Variants in PROM1 observed in about 807,000 individuals in gnomAD.
The protein encoded by PROM1 is prominin 1.
Under a neutral mutation model 116.9 loss-of-function variants are expected in PROM1, and 105 were observed. The ratio of observed to expected loss-of-function variants is 0.90; its 90% confidence interval spans 0.77 to 1.06. PROM1 has a LOEUF of 1.06. PROM1 is among the 50% of genes least tolerant of loss of function. PROM1 has a pLI of 0.00. For missense variants in PROM1, 1,122 were observed against 1,045.2 expected, an observed-to-expected ratio of 1.07 and a Z score of -1.01; for synonymous variants, 393 against 387.0, an observed-to-expected ratio of 1.02 and a Z score of -0.18.
intron 10 of PROM1, among the ~76,000 whole-genome samples, chr4:16,015,672 A>G (rs1365195820): frequency 6.6e-6 from 1 of 152,082 alleles, no homozygotes; most frequent in Admixed American, 6.6e-5. Context: ...CCTGGGTGAC[A>G]GAGGGGGATT....
At chr4:16,016,378 A>G in intron 9 of PROM1, 138 bp from the exon 10 acceptor site, 3 of 704,870 alleles carry the variant, frequency 4.3e-6, no homozygotes, top group Non-Finnish European at 4.6e-6. Flanking sequence ...TTTGAACAAT[A>G]GAGTTTTATT....
At chr4:16,021,845 AT>A (rs1729978147) in intron 8 of PROM1, among the ~76,000 whole-genome samples, 1 of 152,088 alleles carries the variant, frequency 6.6e-6, no homozygotes, top group South Asian at 2.1e-4. Context: ...CAGCTACCCA[AT>A]TGCTATGGAC....
chr4:16,022,365 C>A (rs1161977871), intron 8 of PROM1, among the ~76,000 whole-genome samples: 2 of 152,066 alleles, frequency 1.3e-5, no homozygotes, highest in East Asian at 3.9e-4. Flanking sequence ...ATGTTATTGT[C>A]GATGTCGAGA....
chr4:16,053,689 GATAA>G (rs1738368637), intron 2 of PROM1, among the ~76,000 whole-genome samples: 2 of 152,178 alleles, frequency 1.3e-5, no homozygotes, highest in South Asian at 2.1e-4. Flanking sequence ...GGAAAGAAAA[GATAA>G]ATAAAGCAAA....
rs996563893 is a variant in PROM1, at chr4:15,981,014, T to C, written c.2374-477A>G. 2.0e-5 allele frequency among the ~76,000 whole-genome samples: 3 copies of C among 151,084 alleles called. No homozygotes were observed. The East Asian group carries it at 5.9e-4, about 30-fold the overall frequency. ...TCTCACTCTGTCGCCCAGGCTAGAGTGCAGTGGTGCGATCTCGGCTCACTG... is the reference window on the plus strand; with the variant it reads ...TCTCACTCTGTCGCCCAGGCTAGAGCGCAGTGGTGCGATCTCGGCTCACTG... On this transcript the variant is annotated intron_variant, in intron 23 of 27. Transcript: ENST00000447510.
In PROM1 at chr4:15,994,072, C is replaced by T; in HGVS notation, c.1683-1G>A. On this transcript the variant is annotated splice_acceptor_variant, in intron 15 of 27. Transcript: ENST00000447510. LOFTEE classifies it high-confidence loss of function. ...AGTGCCTCTATTTTTTTTGCAGTCA[C>T]TGTGGGAATGAACAGAGAAATTAGG... The T allele has an allele frequency of 6.2e-7, 1 of 1,613,870 alleles. No individual in the cohort carries two copies. The highest frequency in any genetic ancestry group is 8.5e-7 in the Non-Finnish European group (1 of 1,179,842).
At chr4:16,070,451 T>A (rs1318107054) in intron 2 of PROM1, among the ~76,000 whole-genome samples, 1 of 152,224 alleles carries the variant, frequency 6.6e-6, no homozygotes, top group East Asian at 1.9e-4. Context: ...TGGTCTGTTT[T>A]GGGATCTCTC....
At chr4:16,020,004 G>A (rs1476838660) in intron 8 of PROM1, among the ~76,000 whole-genome samples, 3 of 152,148 alleles carry the variant, frequency 2.0e-5, no homozygotes, top group Non-Finnish European at 4.4e-5. Context: ...TCACTTCTCA[G>A]GACCTTGGTC....
rs112233749 is a variant in PROM1 at position 16,032,150 on chromosome 4, C to CTTT, written c.509+1151_509+1153dup. On this transcript the variant is annotated intron_variant, in intron 5 of 27. Transcript: ENST00000447510. ...CCAGTGCTTGTGTCTCCTTCCTGATCTTTTTTTTTTTTAACATAGTTACCA... is the reference window on the plus strand; with the variant it reads ...CCAGTGCTTGTGTCTCCTTCCTGATCTTTTTTTTTTTTTTTAACATAGTTACCA... 2.2e-4 allele frequency among the ~76,000 whole-genome samples: 32 copies of CTTT among 148,480 alleles called. No individual in the cohort carries two copies. In the South Asian group the frequency reaches 2.6e-3, roughly 12 times the overall value.
chr4:16,036,947 C>T (rs1734071674), intron 3 of PROM1, among the ~76,000 whole-genome samples: 1 of 152,196 alleles, frequency 6.6e-6, no homozygotes, highest in South Asian at 2.1e-4. Flanking sequence ...CACTGCACCC[C>T]CACCCAGAGT....
intron 1 of PROM1, among the ~76,000 whole-genome samples, chr4:16,081,377 A>C (rs371638783): frequency 1.3e-5 from 2 of 152,332 alleles, no homozygotes; most frequent in East Asian, 3.9e-4. Context: ...AATTAATTCA[A>C]GATGGATTAA....
In PROM1 at chr4:16,009,085, T is replaced by C; in HGVS notation, c.1165A>G (p.Ile389Val). 1 of 1,613,062 alleles carries C rather than the reference T, an allele frequency of 6.2e-7. No homozygotes were observed. The change falls in exon 12 of 28, where the codon ATT (isoleucine) becomes GTT (valine). Residue 389 changes from isoleucine to valine, a missense_variant. Coordinates refer to ENST00000447510, the MANE Select transcript of PROM1 (RefSeq NM_006017.3). ...VAGIKRVLNS[I>V]GSDIDNVTQR... ...GTTACATTGTCGATATCTGAACCAA[T>C]GGAATTCAAGACCCTTTTGATACCT...
At chr4:16,022,621 A>T (rs1319096196) in intron 8 of PROM1, among the ~76,000 whole-genome samples, 1 of 152,226 alleles carries the variant, frequency 6.6e-6, no homozygotes, top group Admixed American at 6.5e-5. Context: ...AGTAAAATTC[A>T]TATTGGCAAA....
chr4:16,073,926 C>G (rs886864556), intron 2 of PROM1, among the ~76,000 whole-genome samples: 7 of 151,720 alleles, frequency 4.6e-5, no homozygotes, highest in Admixed American at 3.3e-4. Context: ...TCTAAAGGGA[C>G]CAAAATAGAG....
chr4:15,990,393 G>A (rs1479467030), intron 18 of PROM1, among the ~76,000 whole-genome samples: 2 of 152,212 alleles, frequency 1.3e-5, no homozygotes, highest in African/African-American at 4.8e-5. Context: ...AACCAGCAGA[G>A]GAGTTGAAAG....
chr4:16,037,594 G>A (rs542954145), intron 3 of PROM1, among the ~76,000 whole-genome samples: 1 of 152,262 alleles, frequency 6.6e-6, no homozygotes, highest in Non-Finnish European at 1.5e-5. Flanking sequence ...CAGATTTGTT[G>A]TGCAGGCCAG....
At chr4:16,050,015 C>A (rs1466794241) in intron 2 of PROM1, among the ~76,000 whole-genome samples, 1 of 152,080 alleles carries the variant, frequency 6.6e-6, no homozygotes, top group Non-Finnish European at 1.5e-5. Flanking sequence ...GTAATCCCAG[C>A]ACTTTGAGAG....
chr4:16,008,875 G>A, intron 12 of PROM1, 74 bp downstream of exon 12: 1 of 1,373,524 alleles, frequency 7.3e-7, no homozygotes, highest in Non-Finnish European at 1.0e-6. Context: ...TTATCCTGGT[G>A]CTAATGTCAG....
intron 26 of PROM1, among the ~76,000 whole-genome samples, chr4:15,972,770 A>G (rs1432080774): frequency 6.6e-6 from 1 of 152,226 alleles, no homozygotes; most frequent in Non-Finnish European, 1.5e-5. Context: ...AAAATAAAGA[A>G]GGCCAATACA....
Sources: allele counts gnomAD v4.1 joint callset (sites outside exome capture counted in the v4.1 genomes callset), GRCh38; gene constraint gnomAD v4.1.1; transcripts MANE v1.5; gene names NCBI Gene and HGNC (gene_info 2026-07-23, HGNC 2026-07-21).